Variants in GOLGA3 observed in about 807,000 individuals in gnomAD.
GOLGA3 encodes golgin A3.
Under a neutral mutation model 169.4 loss-of-function variants are expected in GOLGA3, and 75 were observed. That is an observed-to-expected ratio of 0.44 (90% CI 0.37 to 0.54). The LOEUF (loss-of-function observed/expected upper bound fraction) is 0.54. GOLGA3 is among the 20% of genes least tolerant of loss of function. The pLI is 0.00. For synonymous variants in GOLGA3, 824 were observed against 822.4 expected (o/e 1.00, Z -0.03); for missense variants, 1,899 against 1,930.0 (o/e 0.98, Z 0.30).
chr12:132,785,202 G>A (rs945618439), intron 15 of GOLGA3, among the ~76,000 whole-genome samples: 7 of 152,164 alleles, frequency 4.6e-5, no homozygotes, highest in Non-Finnish European at 1.0e-4. Flanking sequence ...AGCTCTGCCC[G>A]GCCTTTGCGA....
At chr12:132,825,931 G>T in intron 1 of GOLGA3, 1 of 953,052 alleles carries the variant, frequency 1.0e-6, no homozygotes, top group Non-Finnish European at 1.7e-6. Flanking sequence ...CTGGCGTGGT[G>T]ACCAAGATGA....
intron 6 of GOLGA3, among the ~76,000 whole-genome samples, chr12:132,806,849 A>G (rs1227495452): frequency 6.6e-6 from 1 of 152,240 alleles, no homozygotes; most frequent in African/African-American, 2.4e-5. Flanking sequence ...AGAAATCACT[A>G]CAAAGAAAAA....
At position 132,780,909 on chromosome 12, in the gene GOLGA3, C is replaced by A; in HGVS notation, c.3471G>T (p.Gln1157His). The change falls in exon 18 of 24, where the codon CAG becomes CAT. Residue 1157 changes from glutamine (Q) to histidine (H), a missense_variant. Physicochemically the swap from Gln to His is conservative, Grantham distance 24. Coordinates refer to ENST00000450791, the MANE Select transcript of GOLGA3 (RefSeq NM_001389683.1). ...CCTCTTCTTTGCGCTGCAAAACTGC[C>A]TGCACCTAGATCAGATTGCAGGAGG... Reference protein sequence around the residue: ...ADLVQLNLQVQAVLQRKEEED... With the variant: ...ADLVQLNLQVHAVLQRKEEED... The A allele has an allele frequency of 1.2e-6, 2 of 1,609,578 alleles. No individual in the cohort carries two copies. Among genetic ancestry groups the A allele is most frequent in the Non-Finnish European group, 1.7e-6 (2 of 1,178,908 alleles).
chr12:132,813,943 C>G (rs1157460011), intron 3 of GOLGA3, among the ~76,000 whole-genome samples: 1 of 151,634 alleles, frequency 6.6e-6, no homozygotes, highest in Non-Finnish European at 1.5e-5. Context: ...TCAGGATGGT[C>G]TCGATCTCCT....
chr12:132,820,214 C>G (rs1031846880), intron 2 of GOLGA3, among the ~76,000 whole-genome samples: 2 of 151,966 alleles, frequency 1.3e-5, no homozygotes, highest in African/African-American at 4.8e-5. Flanking sequence ...TGACACGCAT[C>G]GATAGTCACC....
intron 4 of GOLGA3, among the ~76,000 whole-genome samples, chr12:132,809,921 G>A (rs944788157): frequency 2.6e-5 from 4 of 152,086 alleles, no homozygotes; most frequent in Non-Finnish European, 4.4e-5. Flanking sequence ...CTACTCTCCA[G>A]TTTATTTTAT....
At chr12:132,807,331 A>C (rs1385705163) in intron 5 of GOLGA3, 43 bp from the exon 6 acceptor site, 5 of 1,095,722 alleles carry the variant, frequency 4.6e-6, no homozygotes, top group South Asian at 1.4e-5. Flanking sequence ...AGCCATCCTC[A>C]TTTTCTTTCA....
At chr12:132,779,829 G>A (rs1251876614) in intron 18 of GOLGA3, among the ~76,000 whole-genome samples, 2 of 100,338 alleles carry the variant, frequency 2.0e-5, no homozygotes, top group Non-Finnish European at 3.8e-5. Flanking sequence ...ACACACCACA[G>A]CCCTTGCACG....
chr12:132,788,042 G>A (rs1474809551), intron 13 of GOLGA3, among the ~76,000 whole-genome samples: 1 of 152,070 alleles, frequency 6.6e-6, no homozygotes, highest in Non-Finnish European at 1.5e-5. Flanking sequence ...AACCAGCCCA[G>A]GCCTGCAGCT....
chr12:132,819,907 C>A (rs1403395932), intron 2 of GOLGA3, among the ~76,000 whole-genome samples: 3 of 152,188 alleles, frequency 2.0e-5, no homozygotes, highest in Non-Finnish European at 4.4e-5. Flanking sequence ...CAACAGGGCG[C>A]GGTGGCTCAC....
At chr12:132,799,417 C>T (rs75740134) in intron 8 of GOLGA3, among the ~76,000 whole-genome samples, 2,821 of 152,254 alleles carry the variant, frequency 0.019, 88 homozygotes, top group African/African-American at 0.064. Flanking sequence ...CTGGGAGGAT[C>T]GCTTGAGTCC....
intron 22 of GOLGA3, 101 bp from the exon 23 acceptor site, chr12:132,774,421 G>C: frequency 7.4e-7 from 1 of 1,352,574 alleles, no homozygotes; most frequent in South Asian, 1.2e-5. Context: ...ACTGGTGGAC[G>C]TGGGGCCTCT....
In GOLGA3 at chr12:132,826,025, A is replaced by C. The variant is rs111946713; in HGVS notation, c.-184+2778T>G. The C allele has an allele frequency of 7.9e-3, 9,515 of 1,206,156 alleles. 55 individuals carry two copies. The highest frequency in any genetic ancestry group is 8.8e-3 in the Non-Finnish European group (7,102 of 808,542). The allele number at this position is 1,206,156 out of a possible 1,614,324, so 74.7% of individuals were successfully genotyped here. ...CCACTTCGAGAAGCACCACAAGAAC[A>C]TGTCTGTACACCTGTTCCCCTGCTT... On this transcript the variant is annotated intron_variant, in intron 1 of 23. Coordinates refer to ENST00000450791, the MANE Select transcript of GOLGA3 (RefSeq NM_001389683.1).
intron 2 of GOLGA3, among the ~76,000 whole-genome samples, chr12:132,820,651 G>A (rs1251012485): frequency 6.6e-6 from 1 of 152,174 alleles, no homozygotes; most frequent in Non-Finnish European, 1.5e-5. Flanking sequence ...GCCAGGAAGA[G>A]GCATGAGAAC....
intron 8 of GOLGA3, 26 bp downstream of exon 8, chr12:132,801,741 C>A: frequency 6.3e-7 from 1 of 1,597,422 alleles, no homozygotes; most frequent in Non-Finnish European, 8.6e-7. Flanking sequence ...GCGTGACCTG[C>A]CCTGGAAGGT....
At chr12:132,812,318 T>C (rs1448811607) in intron 4 of GOLGA3, among the ~76,000 whole-genome samples, 1 of 152,134 alleles carries the variant, frequency 6.6e-6, no homozygotes. Context: ...CTTTCCTGCC[T>C]GCAGACACAA....
rs1949523782 is a variant in GOLGA3 at position 132,808,281 on chromosome 12, A to G, written c.788T>C (p.Val263Ala). 5.6e-6 allele frequency: 9 copies of G among 1,614,012 alleles called. No individual in the cohort carries two copies. Among genetic ancestry groups the G allele is most frequent in the Non-Finnish European group, 7.6e-6 (9 of 1,180,038 alleles). The change falls in exon 5 of 24, where the codon GTC becomes GCC. Residue 263 changes from valine to alanine, a missense_variant. Coordinates refer to ENST00000450791, the MANE Select transcript of GOLGA3 (RefSeq NM_001389683.1). ...ACCCTTGGTAGAATCGGGAGCCGGG[A>G]CATTTCCCCCAGAATTCCCCGCATT... is the stretch of plus-strand genomic sequence containing the variant. The part of the protein sequence containing the change: ...DSNAGNSGGN[V>A]PAPDSTKGSL...
Position 132,770,835 on chromosome 12 carries a change from A to C in GOLGA3, c.*2270T>G, listed in dbSNP as rs1296845549. 1 of 152,182 alleles carries C rather than the reference A, an allele frequency of 6.6e-6. No individual in the cohort carries two copies. The highest frequency in any genetic ancestry group is 1.5e-5 in the Non-Finnish European group (1 of 68,052). The allele number at this position is 152,182 out of a possible 1,614,324, so 9.4% of individuals were successfully genotyped here. ...TGTTTAGTAAAGACGGGGTTTTGCCATGTTGGCCAGGATGGTCTGGACCTC... is the reference window on the plus strand; with the variant it reads ...TGTTTAGTAAAGACGGGGTTTTGCCCTGTTGGCCAGGATGGTCTGGACCTC... On this transcript the variant is annotated 3_prime_UTR_variant, in exon 24 of 24. Transcript: ENST00000450791.
rs758140650 is a variant in GOLGA3 at position 132,807,904 on chromosome 12, T to C, written c.1165A>G (p.Ser389Gly). ...TGTCCCCACCACCTGCTGCAGATGC[T>C]GTCTCTCCGACTCCGCACCTCCCCG... ...VNGEVRSRRD[S>G]ICSSVSLESS... Residue 389 changes from serine to glycine, a missense_variant, in exon 5 of 24, where the codon AGC becomes GGC. Physicochemically the swap from Ser to Gly is moderately conservative, Grantham distance 56. Transcript: ENST00000450791. The C allele has an allele frequency of 2.7e-6, 4 of 1,491,742 alleles. No homozygotes were observed. The highest frequency in any genetic ancestry group is 2.7e-6 in the Non-Finnish European group (3 of 1,104,144). The allele number at this position is 1,491,742 out of a possible 1,614,324, so 92.4% of individuals were successfully genotyped here.
Sources: gnomAD v4.1 joint callset for allele counts (sites outside exome capture counted in the v4.1 genomes callset) on GRCh38, gnomAD v4.1.1 for gene constraint, MANE v1.5 for transcripts, NCBI Gene and HGNC (gene_info 2026-07-23, HGNC 2026-07-21) for gene names.